BMPER: variants seen among roughly 807,000 people sequenced by gnomAD.
BMPER encodes BMP-binding endothelial regulator protein.
A neutral mutation model predicts 87.3 loss-of-function variants in BMPER; 45 were observed. The observed-to-expected ratio is 0.52, with a 90% CI of 0.41 to 0.66. The LOEUF (loss-of-function observed/expected upper bound fraction) is 0.66, where lower values mean the gene tolerates loss of function less well. BMPER is among the 30% of genes least tolerant of loss of function. The pLI is 0.00. For synonymous variants in BMPER, 326 were observed against 316.2 expected (o/e 1.03, Z -0.33); for missense variants, 784 against 867.5 (o/e 0.90, Z 1.21).
intron 3 of BMPER, among the ~76,000 whole-genome samples, chr7:33,949,635 G>T (rs975463603): frequency 2.6e-5 from 4 of 151,820 alleles, no homozygotes; most frequent in African/African-American, 9.7e-5. Context: ...GTGCTTAAGA[G>T]AATTTCTCAC....
At chr7:34,009,783 A>G (rs1453854284) in intron 6 of BMPER, among the ~76,000 whole-genome samples, 1 of 151,928 alleles carries the variant, frequency 6.6e-6, no homozygotes, top group Non-Finnish European at 1.5e-5. Flanking sequence ...AGCAAGTTTC[A>G]GGCTTTATCT....
At chr7:34,050,061 T>C (rs1318277889) in intron 7 of BMPER, among the ~76,000 whole-genome samples, 2 of 152,160 alleles carry the variant, frequency 1.3e-5, no homozygotes, top group Non-Finnish European at 2.9e-5. Context: ...GGGGAATATT[T>C]AGGGAAAGAA....
chr7:34,053,172 G>A (rs1449203821), intron 8 of BMPER, among the ~76,000 whole-genome samples: 2 of 152,128 alleles, frequency 1.3e-5, no homozygotes, highest in Non-Finnish European at 2.9e-5. Context: ...TAGGTAATAC[G>A]TCTCTGTGCG....
chr7:34,075,011 T>C (rs1213203397), intron 11 of BMPER, among the ~76,000 whole-genome samples: 1 of 95,698 alleles, frequency 1.0e-5, no homozygotes, highest in African/African-American at 3.4e-5. Flanking sequence ...GTTTCTCTTA[T>C]TTTTTTTTTA....
Position 34,085,915 on chromosome 7 carries a change from C to T in BMPER, c.1568C>T (p.Ala523Val). 6.2e-7 allele frequency: 1 copy of T among 1,614,098 alleles called. No individual in the cohort carries two copies. The highest frequency in any genetic ancestry group is 8.5e-7 in the Non-Finnish European group (1 of 1,180,020). The part of the protein sequence containing the change: ...GNFKFDVDDF[A>V]ESWRVESNEF... The stretch of plus-strand genomic sequence containing the variant: ...TTCAAGTTTGATGTGGATGACTTTG[C>T]TGAATCTTGGAGGGTGGAGTCCAAT... Residue 523 changes from alanine to valine, a missense_variant, in exon 13 of 15, where the codon GCT (alanine) becomes GTT (valine). By Grantham distance (64) the Ala-to-Val change is moderately conservative (BLOSUM62 0). Transcript: ENST00000649409.
At chr7:34,034,084 A>G (rs1278274701) in intron 6 of BMPER, among the ~76,000 whole-genome samples, 1 of 152,128 alleles carries the variant, frequency 6.6e-6, no homozygotes, top group African/African-American at 2.4e-5. Context: ...ACCCATGATC[A>G]TAAGCTTTCC....
At chr7:34,072,283 G>A (rs1439585074) in intron 11 of BMPER, among the ~76,000 whole-genome samples, 1 of 152,102 alleles carries the variant, frequency 6.6e-6, no homozygotes, top group Non-Finnish European at 1.5e-5. Context: ...ACCTATGGCT[G>A]CAGATGACAA....
chr7:34,024,134 G>A (rs2127947324), intron 6 of BMPER, among the ~76,000 whole-genome samples: 1 of 150,992 alleles, frequency 6.6e-6, no homozygotes, highest in East Asian at 2.0e-4. Context: ...TGTGTGGGTG[G>A]ATCAGTTGAG....
chr7:34,088,428 G>A lies in BMPER; in HGVS notation c.1745+2336G>A, dbSNP rs115166068. On this transcript the variant is annotated intron_variant, in intron 13 of 14. Coordinates refer to ENST00000649409, the MANE Select transcript of BMPER (RefSeq NM_001365308.1). ...ATTTCCAAGTGCATGTGTGGCAGAA[G>A]AAGAAAATAAACCAGGTGCAATGTG... is the stretch of plus-strand genomic sequence containing the variant. Among the ~76,000 whole-genome samples the A allele has an allele frequency of 2.0e-3, 297 of 152,270 alleles. 2 individuals are homozygous for A. In the Middle Eastern group the frequency reaches 0.031, roughly 16 times the overall value.
intron 6 of BMPER, among the ~76,000 whole-genome samples, chr7:34,028,601 GTTTTTTTTTTTTTTT>G: frequency 0.02 from 731 of 36,126 alleles, 14 homozygotes; most frequent in African/African-American, 0.057. Context: ...CATTTTTTCT[GTTTTTTTTTTTTTTT>G]TTTTTTTTTT....
chr7:33,925,763 G>A (rs752270666), intron 2 of BMPER, among the ~76,000 whole-genome samples: 20 of 152,150 alleles, frequency 1.3e-4, no homozygotes, highest in Non-Finnish European at 2.5e-4. Context: ...ACTTCACTTG[G>A]AGTGCACTGG....
chr7:34,086,599 A>T (rs1485463917), intron 13 of BMPER, among the ~76,000 whole-genome samples: 1 of 152,146 alleles, frequency 6.6e-6, no homozygotes, highest in Admixed American at 6.5e-5. Context: ...GCAAAATGAG[A>T]ATTATTTGGA....
At chr7:34,054,494 T>C (rs1301768992) in intron 8 of BMPER, among the ~76,000 whole-genome samples, 1 of 152,204 alleles carries the variant, frequency 6.6e-6, no homozygotes, top group East Asian at 1.9e-4. Flanking sequence ...TGAGAAACAA[T>C]AGGCAGAAGA....
intron 2 of BMPER, among the ~76,000 whole-genome samples, chr7:33,936,438 G>C (rs1784604523): frequency 6.6e-6 from 1 of 152,158 alleles, no homozygotes; most frequent in Non-Finnish European, 1.5e-5. Context: ...TTTCTTGTTT[G>C]CAAAATGGGG....
At chr7:33,937,557 T>G in intron 3 of BMPER, 169 bp downstream of exon 3, 2 of 676,816 alleles carry the variant, frequency 3.0e-6, no homozygotes, top group Non-Finnish European at 5.2e-6. Flanking sequence ...TTTGTGTGTA[T>G]GTGTGTATCT....
At chr7:33,994,037 G>A (rs1464795634) in intron 6 of BMPER, among the ~76,000 whole-genome samples, 1 of 152,240 alleles carries the variant, frequency 6.6e-6, no homozygotes, top group Non-Finnish European at 1.5e-5. Flanking sequence ...GTCAGACAGG[G>A]ACATTTAAGT....
chr7:33,942,548 C>T (rs1784793997), intron 3 of BMPER, among the ~76,000 whole-genome samples: 1 of 152,184 alleles, frequency 6.6e-6, no homozygotes. Flanking sequence ...TAAGTCTCCA[C>T]TGAGACCCTT....
intron 5 of BMPER, among the ~76,000 whole-genome samples, chr7:33,972,426 T>G (rs1020014265): frequency 3.9e-5 from 6 of 152,212 alleles, no homozygotes; most frequent in African/African-American, 1.4e-4. Flanking sequence ...GAAGTTGTAT[T>G]TGAGCCATTA....
At chr7:34,049,102 C>T (rs1788072238) in intron 7 of BMPER, among the ~76,000 whole-genome samples, 2 of 152,162 alleles carry the variant, frequency 1.3e-5, no homozygotes, top group East Asian at 1.9e-4. Flanking sequence ...TATACCTCTG[C>T]CTTTTGCATT....
Sources: gnomAD v4.1 joint callset for allele counts (sites outside exome capture counted in the v4.1 genomes callset) on GRCh38, gnomAD v4.1.1 for gene constraint, MANE v1.5 for transcripts, NCBI Gene and HGNC (gene_info 2026-07-23, HGNC 2026-07-21) for gene names.